PDK1: variants seen among roughly 807,000 people sequenced by gnomAD.
PDK1 encodes the protein pyruvate dehydrogenase kinase 1, also known as [Pyruvate dehydrogenase (acetyl-transferring)] kinase isozyme 1, mitochondrial.
PDK1 carries 39 observed loss-of-function variants against 54.2 expected under a neutral mutation model. That is an observed-to-expected ratio of 0.72 (90% CI 0.56 to 0.94). The LOEUF is 0.94. Among genes scored for constraint, PDK1 ranks in the 40% least tolerant of loss-of-function variants. The probability of loss-of-function intolerance (pLI) is 0.00; values close to 1 mark genes in which losing one functional copy is unlikely to be tolerated. For missense variants in PDK1, 552 were observed against 566.0 expected, an observed-to-expected ratio of 0.98 and a Z score of 0.25; for synonymous variants, 221 against 207.1, an observed-to-expected ratio of 1.07 and a Z score of -0.58.
chr2:172,702,820 A>T, the PDK1 span, among the ~76,000 whole-genome samples: 2 of 152,112 alleles, frequency 1.3e-5, no homozygotes, highest in African/African-American at 4.8e-5. Flanking sequence ...ACCATGATTG[A>T]GGGCAAAACC....
chr2:172,634,427 C>T, the PDK1 span, among the ~76,000 whole-genome samples: 1 of 151,934 alleles, frequency 6.6e-6, no homozygotes, highest in African/African-American at 2.4e-5. Flanking sequence ...TGCGCACCAT[C>T]ATGCCTAGCT....
At chr2:172,708,318 A>G in the PDK1 span, among the ~76,000 whole-genome samples, 1 of 152,056 alleles carries the variant, frequency 6.6e-6, no homozygotes, top group Non-Finnish European at 1.5e-5. Context: ...TTAGTGATAG[A>G]TAATTAAATT....
the PDK1 span, among the ~76,000 whole-genome samples, chr2:172,615,109 G>A: frequency 2.0e-5 from 3 of 152,158 alleles, no homozygotes; most frequent in African/African-American, 7.2e-5. Context: ...GTTTACTGAC[G>A]TGCTCCCTGC....
At position 172,595,826 on chromosome 2, in the gene PDK1, C is replaced by T; in HGVS notation, c.1171-3C>T. The T allele has an allele frequency of 1.2e-6, 2 of 1,611,730 alleles. No individual in the cohort carries two copies. The highest frequency in any genetic ancestry group is 1.7e-6 in the Non-Finnish European group (2 of 1,178,982). On this transcript the variant is annotated splice_region_variant and splice_polypyrimidine_tract_variant and intron_variant, in intron 10 of 10. Transcript: ENST00000282077. ...TAATAGGTCTTAGGTTTTTCTTTTT[C>T]AGGCTCTGTCAACAGACTCAATAGA...
chr2:172,565,461 G>A (rs1688885111), intron 5 of PDK1, among the ~76,000 whole-genome samples: 1 of 151,934 alleles, frequency 6.6e-6, no homozygotes, highest in African/African-American at 2.4e-5. Context: ...TCAACACTAC[G>A]CCTGGCTAAT....
At position 172,599,481 on chromosome 2, in the gene PDK1, G is replaced by A. The variant is rs1691039579; in HGVS notation, c.*3512G>A. On this transcript the variant is annotated 3_prime_UTR_variant, in exon 11 of 11. Coordinates refer to ENST00000282077, the MANE Select transcript of PDK1 (RefSeq NM_002610.5). ...GAAGTTTCTACATATGGGTAATCAGGGTTGAGTTAGGTAGTTTGCAAACAT... is the reference window on the plus strand; with the variant it reads ...GAAGTTTCTACATATGGGTAATCAGAGTTGAGTTAGGTAGTTTGCAAACAT... 1 of 152,072 alleles carries A rather than the reference G, an allele frequency of 6.6e-6. No homozygotes were observed. The highest frequency in any genetic ancestry group is 1.5e-5 in the Non-Finnish European group (1 of 67,984). The allele number at this position is 152,072 out of a possible 1,614,324, so 9.4% of individuals were successfully genotyped here. A position where few individuals can be genotyped will look rare whatever the true frequency, so the allele number is the denominator to read the frequency against.
At chr2:172,678,793 T>C in the PDK1 span, 1 of 152,202 alleles carries the variant, frequency 6.6e-6, no homozygotes, top group Non-Finnish European at 1.5e-5. Flanking sequence ...AAAAGCAACA[T>C]TCAGTAGCAT....
chr2:172,593,539 G>A (rs1473237519), intron 10 of PDK1, among the ~76,000 whole-genome samples: 2 of 152,134 alleles, frequency 1.3e-5, no homozygotes, highest in Non-Finnish European at 2.9e-5. Context: ...TGACTGATTT[G>A]ACAGCAAGTT....
chr2:172,586,618 C>T (rs62169268), intron 9 of PDK1, among the ~76,000 whole-genome samples: 2 of 151,676 alleles, frequency 1.3e-5, no homozygotes, highest in African/African-American at 2.4e-5. Context: ...AAAGTTTGAT[C>T]GTGATATAGC....
Position 172,556,324 on chromosome 2 carries a change from C to T in PDK1, c.174C>T (p.Ser58=), listed in dbSNP as rs1214044951. 4 of 1,483,582 alleles carry T rather than the reference C, an allele frequency of 2.7e-6. No individual in the cohort carries two copies. The highest frequency in any genetic ancestry group is 2.7e-6 in the Non-Finnish European group (3 of 1,123,406). The allele number at this position is 1,483,582 out of a possible 1,614,324, so 91.9% of individuals were successfully genotyped here. The change falls in exon 1 of 11, where the codon TCC becomes TCT. Residue 58 remains serine, a synonymous_variant. Coordinates refer to ENST00000282077, the MANE Select transcript of PDK1 (RefSeq NM_002610.5). ...CGCGCTTCTCGCCGTCCCCGCTCTC[C>T]ATGAAGCAGTTCCTGGACTTCGGTG... ...FYARFSPSPL[S]MKQFLDFGSV...
chr2:172,614,616 G>A, the PDK1 span, among the ~76,000 whole-genome samples: 15 of 152,234 alleles, frequency 9.9e-5, no homozygotes, highest in South Asian at 3.1e-3. Flanking sequence ...ACTCTTTTCA[G>A]GGCCTTCTCT....
rs1273868520 is a variant in PDK1 at position 172,606,012 on chromosome 2, C to G, written c.*10043C>G. The G allele has an allele frequency of 6.6e-6, 1 of 152,140 alleles. No individual in the cohort carries two copies. The highest frequency in any genetic ancestry group is 2.4e-5 in the African/African-American group (1 of 41,396). The allele number at this position is 152,140 out of a possible 1,614,324, so 9.4% of individuals were successfully genotyped here. On this transcript the variant is annotated 3_prime_UTR_variant, in exon 11 of 11. Coordinates refer to ENST00000282077, the MANE Select transcript of PDK1 (RefSeq NM_002610.5). ...ACATACTTTGCGTGACCATAAAACT[C>G]TGTACTATTATAGACATAAAACCAT... is the stretch of plus-strand genomic sequence containing the variant.
At chr2:172,556,376 T>A (rs369617677) in intron 1 of PDK1, 30 bp downstream of exon 1, 1 of 1,385,636 alleles carries the variant, frequency 7.2e-7, no homozygotes, top group Non-Finnish European at 9.4e-7. Flanking sequence ...TTGGGCCTTT[T>A]TGCGCGGTCC....
chr2:172,570,773 C>A lies in PDK1; in HGVS notation c.894C>A (p.Tyr298Ter), dbSNP rs752638116. 6.2e-7 allele frequency: 1 copy of A among 1,611,242 alleles called. No individual in the cohort carries two copies. The highest frequency in any genetic ancestry group is 1.1e-5 in the South Asian group (1 of 90,992). Residue 298 changes from tyrosine to a stop codon, truncating the protein, a stop_gained, in exon 8 of 11, where the codon TAC (tyrosine) becomes TAA (stop). Transcript: ENST00000282077. LOFTEE classifies it high-confidence loss of function. ...AACACCATGCCAACAGAGGTGTTTA[C>A]CCCCCTATTCAAGTTCATGTCACGC... Reference protein sequence around the residue: ...TMEHHANRGVYPPIQVHVTLG... With the variant: ...TMEHHANRGV
chr2:172,652,391 C>G, the PDK1 span, among the ~76,000 whole-genome samples: 1 of 152,256 alleles, frequency 6.6e-6, no homozygotes, highest in East Asian at 1.9e-4. Flanking sequence ...TGGAAGCATT[C>G]CCTTTGAAAA....
intron 8 of PDK1, among the ~76,000 whole-genome samples, chr2:172,584,948 G>A (rs1200009700): frequency 6.8e-6 from 1 of 147,258 alleles, no homozygotes; most frequent in Non-Finnish European, 1.5e-5. Flanking sequence ...GGGATTATAT[G>A]TGTGAGCCAC....
chr2:172,629,417 G>C, the PDK1 span, among the ~76,000 whole-genome samples: 1 of 152,158 alleles, frequency 6.6e-6, no homozygotes, highest in Non-Finnish European at 1.5e-5. Context: ...GAAGTAGCTG[G>C]ACGTCAGAGA....
chr2:172,564,629 C>G lies in PDK1; in HGVS notation c.537C>G (p.Tyr179Ter), dbSNP rs1472749473. ...VDPVTSQNVQYFLDRFYMSRI... is the reference protein window; with the variant it reads ...VDPVTSQNVQ The stretch of plus-strand genomic sequence containing the variant: ...CTGTCACCAGCCAGAATGTTCAGTA[C>G]TTTTTGGATCGATTCTACATGAGTC... Residue 179 changes from tyrosine (Y) to a stop codon, truncating the protein, a stop_gained, in exon 4 of 11, where the codon TAC becomes TAG. Coordinates refer to ENST00000282077, the MANE Select transcript of PDK1 (RefSeq NM_002610.5). LOFTEE classifies it high-confidence loss of function. 1 of 1,614,094 alleles carries G rather than the reference C, an allele frequency of 6.2e-7. No individual in the cohort carries two copies. The highest frequency in any genetic ancestry group is 1.3e-5 in the African/African-American group (1 of 75,024).
chr2:172,592,847 C>G, intron 9 of PDK1, 88 bp from the exon 10 acceptor site: 1 of 683,986 alleles, frequency 1.5e-6, no homozygotes, highest in African/African-American at 1.8e-5. Flanking sequence ...TCTGATAGCC[C>G]CGTGGTACTC....
Sources: gnomAD v4.1 joint callset for allele counts (sites outside exome capture counted in the v4.1 genomes callset) on GRCh38, gnomAD v4.1.1 for gene constraint, MANE v1.5 for transcripts, NCBI Gene and HGNC (gene_info 2026-07-23, HGNC 2026-07-21) for gene names.